GRM8: variants seen among roughly 807,000 people sequenced by gnomAD.
The protein encoded by GRM8 is glutamate metabotropic receptor 8.
GRM8 carries 47 observed loss-of-function variants against 87.2 expected under a neutral mutation model. The observed-to-expected ratio is 0.54, with a 90% CI of 0.43 to 0.69. The LOEUF (loss-of-function observed/expected upper bound fraction) is 0.69, where lower values mean the gene tolerates loss of function less well. Among genes scored for constraint, GRM8 ranks in the 30% least tolerant of loss-of-function variants. The probability of loss-of-function intolerance (pLI) is 0.00; values close to 1 mark genes in which losing one functional copy is unlikely to be tolerated. For synonymous variants in GRM8, 396 were observed against 404.5 expected (o/e 0.98, Z 0.25); for missense variants, 1,019 against 1,139.2 (o/e 0.89, Z 1.52).
intron 2 of GRM8, among the ~76,000 whole-genome samples, chr7:127,204,413 C>A (rs1174606809): frequency 1.3e-5 from 2 of 152,192 alleles, no homozygotes; most frequent in Non-Finnish European, 2.9e-5. Flanking sequence ...TTTCCCAAAG[C>A]ACAGCAGTTG....
chr7:126,553,444 A>C (rs1490757247), intron 8 of GRM8, among the ~76,000 whole-genome samples: 1 of 152,178 alleles, frequency 6.6e-6, no homozygotes, highest in Non-Finnish European at 1.5e-5. Context: ...GGAATGAAAT[A>C]TTAAAATGCC....
chr7:126,783,754 A>G (rs1820344964), intron 6 of GRM8, among the ~76,000 whole-genome samples: 1 of 152,202 alleles, frequency 6.6e-6, no homozygotes. Flanking sequence ...TAATTTCCAT[A>G]ATAGAGGAAA....
At chr7:127,187,139 T>A (rs1254872105) in intron 2 of GRM8, among the ~76,000 whole-genome samples, 1 of 152,056 alleles carries the variant, frequency 6.6e-6, no homozygotes, top group East Asian at 1.9e-4. Flanking sequence ...GATCTCCTAC[T>A]CTAGTTGAGA....
chr7:126,735,278 T>C (rs190702334), intron 7 of GRM8, among the ~76,000 whole-genome samples: 21 of 151,986 alleles, frequency 1.4e-4, no homozygotes, highest in Admixed American at 8.5e-4. Flanking sequence ...AAAAGAAAAA[T>C]AGGCAAAGTA....
chr7:126,556,112 T>C (rs1325241142), intron 8 of GRM8, among the ~76,000 whole-genome samples: 1 of 152,130 alleles, frequency 6.6e-6, no homozygotes, highest in Non-Finnish European at 1.5e-5. Flanking sequence ...TATCCCCTTG[T>C]TTAAAGTTAC....
At chr7:126,939,920 A>G (rs945934246) in intron 3 of GRM8, among the ~76,000 whole-genome samples, 8 of 152,244 alleles carry the variant, frequency 5.3e-5, no homozygotes, top group Non-Finnish European at 1.2e-4. Context: ...AATGTGTGTC[A>G]TCCAGTATCC....
intron 2 of GRM8, among the ~76,000 whole-genome samples, chr7:127,220,858 C>T (rs1045420659): frequency 2.0e-5 from 3 of 152,184 alleles, no homozygotes; most frequent in Non-Finnish European, 4.4e-5. Flanking sequence ...AAGCTTGGCT[C>T]CTCCCAGAAT....
At chr7:126,738,020 A>T (rs1389713599) in intron 7 of GRM8, among the ~76,000 whole-genome samples, 1 of 152,132 alleles carries the variant, frequency 6.6e-6, no homozygotes, top group Non-Finnish European at 1.5e-5. Context: ...AAAAATAAAG[A>T]GTAAAAGGTG....
At chr7:127,222,250 A>T (rs1050274331) in intron 2 of GRM8, among the ~76,000 whole-genome samples, 11 of 152,324 alleles carry the variant, frequency 7.2e-5, no homozygotes, top group Admixed American at 7.2e-4. Flanking sequence ...TGCAAAAAAT[A>T]TATAAAAAGT....
rs529581522 is a variant in GRM8 at position 127,119,473 on chromosome 7, G to A, written c.511-12761C>T. ...TGCACTCCAGCCTGGGTGACAGAGC[G>A]AGATCCTGTCTCTCTCTCTCTCTCT... On this transcript the variant is annotated intron_variant, in intron 2 of 10. Coordinates refer to ENST00000339582, the MANE Select transcript of GRM8 (RefSeq NM_000845.3). Among the ~76,000 whole-genome samples the A allele has an allele frequency of 1.2e-3, 182 of 150,484 alleles. 1 individual carries two copies. The highest frequency in any genetic ancestry group is 4.1e-3 in the African/African-American group (169 of 40,792).
chr7:127,075,420 A>C (rs1468097), intron 3 of GRM8, among the ~76,000 whole-genome samples: 39,362 of 152,188 alleles, frequency 0.26, 5,932 homozygotes, highest in Non-Finnish European at 0.35. Context: ...AAATTGATAG[A>C]AATACACTAA....
intron 2 of GRM8, among the ~76,000 whole-genome samples, chr7:127,121,589 G>A (rs181013752): frequency 4.7e-4 from 72 of 152,234 alleles, no homozygotes; most frequent in African/African-American, 1.6e-3. Flanking sequence ...AAAAAAAGTC[G>A]TTTAATTGAT....
At chr7:126,593,515 A>G (rs755704307) in intron 8 of GRM8, among the ~76,000 whole-genome samples, 7 of 152,076 alleles carry the variant, frequency 4.6e-5, no homozygotes, top group Non-Finnish European at 8.8e-5. Flanking sequence ...AGTCTTTTCA[A>G]TAACTGATGT....
At chr7:127,026,549 C>T (rs1356645311) in intron 3 of GRM8, among the ~76,000 whole-genome samples, 1 of 152,160 alleles carries the variant, frequency 6.6e-6, no homozygotes, top group South Asian at 2.1e-4. Flanking sequence ...TTCTAACTGG[C>T]ATGAGATGGT....
chr7:126,906,702 A>G (rs1373583413), intron 3 of GRM8, among the ~76,000 whole-genome samples: 2 of 152,210 alleles, frequency 1.3e-5, no homozygotes, highest in African/African-American at 4.8e-5. Flanking sequence ...CAGATGTATG[A>G]GTAACTGGTG....
At chr7:126,971,522 T>A (rs1208438383) in intron 3 of GRM8, among the ~76,000 whole-genome samples, 1 of 152,156 alleles carries the variant, frequency 6.6e-6, no homozygotes, top group African/African-American at 2.4e-5. Context: ...TACTCCAGAT[T>A]TCACAATCAC....
chr7:126,641,743 A>G (rs1802409277), intron 7 of GRM8, among the ~76,000 whole-genome samples: 1 of 152,140 alleles, frequency 6.6e-6, no homozygotes, highest in Non-Finnish European at 1.5e-5. Flanking sequence ...GCCTCTTTCT[A>G]CACCACTACA....
At chr7:127,046,158 T>A (rs532366613) in intron 3 of GRM8, among the ~76,000 whole-genome samples, 3 of 152,200 alleles carry the variant, frequency 2.0e-5, no homozygotes, top group Non-Finnish European at 4.4e-5. Context: ...GATCATGAGG[T>A]CAGGAGATCG....
At chr7:127,205,296 A>G (rs74962678) in intron 2 of GRM8, among the ~76,000 whole-genome samples, 3,805 of 152,302 alleles carry the variant, frequency 0.025, 66 homozygotes, top group Middle Eastern at 0.044. Context: ...CTCTGGCCTC[A>G]TAGAACTTTC....
Sources: gnomAD v4.1 joint callset for allele counts (sites outside exome capture counted in the v4.1 genomes callset) on GRCh38, gnomAD v4.1.1 for gene constraint, MANE v1.5 for transcripts, NCBI Gene and HGNC (gene_info 2026-07-23, HGNC 2026-07-21) for gene names.